PAK2: variants seen among roughly 807,000 people sequenced by gnomAD.
The protein encoded by PAK2 is p21 (RAC1) activated kinase 2, also known as serine/threonine-protein kinase PAK 2.
Under a neutral mutation model 65.9 loss-of-function variants are expected in PAK2, and 21 were observed. The ratio of observed to expected loss-of-function variants is 0.32; its 90% CI spans 0.23 to 0.46. The LOEUF (loss-of-function observed/expected upper bound fraction) is 0.46. PAK2 is among the 20% of genes least tolerant of loss of function. The pLI, the probability that PAK2 is intolerant of heterozygous loss-of-function variation, is 1.00. For synonymous variants in PAK2, 204 were observed against 219.7 expected, an observed-to-expected ratio of 0.93 and a Z score of 0.63; for missense variants, 324 against 642.6, an observed-to-expected ratio of 0.50 and a Z score of 5.36.
At chr3:196,812,146 G>A (rs1245482387) in intron 8 of PAK2, 73 bp from the exon 9 acceptor site, 5 of 869,296 alleles carry the variant, frequency 5.8e-6, no homozygotes, top group Non-Finnish European at 9.9e-6. Flanking sequence ...TGCTTGAAGT[G>A]TAAAGTCTTT....
At chr3:196,773,755 C>T (rs2108732064) in intron 1 of PAK2, among the ~76,000 whole-genome samples, 1 of 152,146 alleles carries the variant, frequency 6.6e-6, no homozygotes, top group South Asian at 2.1e-4. Flanking sequence ...TATCCGCCTC[C>T]CAGCTACTTG....
intron 1 of PAK2, among the ~76,000 whole-genome samples, chr3:196,761,035 C>G (rs1713942781): frequency 6.6e-6 from 1 of 151,962 alleles, no homozygotes; most frequent in African/African-American, 2.4e-5. Context: ...TCAAGACCAG[C>G]CTGACCAACA....
In PAK2 at chr3:196,820,299, A is replaced by T; in HGVS notation, c.1154-72A>T. Reference sequence around the variant, plus strand: ...TAATAGTCAAAATATAATTAATTACATAATCTGAAGTGAACTCTTCTGCTA... The same window carrying T: ...TAATAGTCAAAATATAATTAATTACTTAATCTGAAGTGAACTCTTCTGCTA... On this transcript the variant is annotated intron_variant, in intron 12 of 14. Coordinates refer to ENST00000327134, the MANE Select transcript of PAK2 (RefSeq NM_002577.4). The surrounding 1 kb of genome is among the most constrained non-coding windows in gnomAD (Gnocchi z 4.6). 1.3e-6 allele frequency: 1 copy of T among 769,964 alleles called. No homozygotes were observed. The highest frequency in any genetic ancestry group is 2.0e-6 in the Non-Finnish European group (1 of 504,058). The allele number at this position is 769,964 out of a possible 1,614,324, so 47.7% of individuals were successfully genotyped here. A position where few individuals can be genotyped will look rare whatever the true frequency, so the allele number is the denominator to read the frequency against.
chr3:196,805,669 C>T (rs904311827), intron 5 of PAK2, among the ~76,000 whole-genome samples: 2 of 152,046 alleles, frequency 1.3e-5, no homozygotes, highest in African/African-American at 4.8e-5. Context: ...AACTTGCTAG[C>T]ATATATTTTC....
At chr3:196,749,532 A>G (rs1713500385) in intron 1 of PAK2, among the ~76,000 whole-genome samples, 1 of 152,162 alleles carries the variant, frequency 6.6e-6, no homozygotes, top group Non-Finnish European at 1.5e-5. Context: ...GACCATTTGT[A>G]TATCTTCTTT....
At chr3:196,765,140 G>A (rs1362273885) in intron 1 of PAK2, among the ~76,000 whole-genome samples, 6 of 129,650 alleles carry the variant, frequency 4.6e-5, no homozygotes, top group African/African-American at 1.4e-4. Flanking sequence ...CACCGTGCCC[G>A]GCCTTTTTTT....
chr3:196,804,828 CAT>C (rs113952444), intron 4 of PAK2, among the ~76,000 whole-genome samples: 92,702 of 147,366 alleles, frequency 0.63, 29,160 homozygotes, highest in East Asian at 0.69. Context: ...TATATATACA[CAT>C]ATATATATAT....
At chr3:196,761,697 C>T (rs1253853448) in intron 1 of PAK2, among the ~76,000 whole-genome samples, 6 of 142,880 alleles carry the variant, frequency 4.2e-5, no homozygotes, top group South Asian at 2.3e-4. Flanking sequence ...GGGTGGTGGC[C>T]GGGCAGAGGG....
At chr3:196,799,435 G>A (rs1251410120) in intron 2 of PAK2, among the ~76,000 whole-genome samples, 1 of 152,178 alleles carries the variant, frequency 6.6e-6, no homozygotes, top group Non-Finnish European at 1.5e-5. Flanking sequence ...GTTGAGACAT[G>A]GGACCTTCAA....
intron 2 of PAK2, among the ~76,000 whole-genome samples, chr3:196,789,924 A>C (rs1168046193): frequency 1.3e-5 from 2 of 152,188 alleles, no homozygotes; most frequent in African/African-American, 4.8e-5. Flanking sequence ...ATGGGGATCT[A>C]ATGCTGCCAC....
intron 1 of PAK2, among the ~76,000 whole-genome samples, chr3:196,740,462 T>C (rs1466793252): frequency 6.6e-6 from 1 of 152,038 alleles, no homozygotes; most frequent in Non-Finnish European, 1.5e-5. Flanking sequence ...CTGCCGACTC[T>C]CGGTCTTCCC....
intron 1 of PAK2, among the ~76,000 whole-genome samples, chr3:196,778,798 A>AATG (rs145073347): frequency 0.011 from 1,645 of 152,184 alleles, 30 homozygotes; most frequent in African/African-American, 0.038. Flanking sequence ...AGTTTGGAGG[A>AATG]ATGTAGTGGT....
rs1453141518 is a variant in PAK2 at position 196,830,261 on chromosome 3, CA to C, written c.*1857del. 3 of 151,962 alleles carry C rather than the reference CA, an allele frequency of 2.0e-5. No individual in the cohort carries two copies. Among genetic ancestry groups the C allele is most frequent in the Admixed American group, 2.0e-4 (3 of 15,254 alleles). 9.4% of individuals were successfully genotyped at this position (151,962 alleles called of 1,614,324 possible). On this transcript the variant is annotated 3_prime_UTR_variant, in exon 15 of 15. Transcript: ENST00000327134. ...AATAATTAATGAAACATATTTAGAG[CA>C]CTTAATGGTCTCTGTTTTCAATATA...
In PAK2 at chr3:196,740,095, C is replaced by G. The variant is rs1366718917; in HGVS notation, c.-84C>G. ...ACCGCGCGCTAGCCCGGGGCGGCTC[C>G]GCAGCCCGCCGGGAGCTCTGACCGA... On this transcript the variant is annotated 5_prime_UTR_variant, in exon 1 of 15. Coordinates refer to ENST00000327134, the MANE Select transcript of PAK2 (RefSeq NM_002577.4). 1.3e-5 allele frequency: 2 copies of G among 151,982 alleles called. No individual in the cohort carries two copies. The highest frequency in any genetic ancestry group is 2.9e-5 in the Non-Finnish European group (2 of 67,928). The allele number at this position is 151,982 out of a possible 1,614,324, so 9.4% of individuals were successfully genotyped here.
At chr3:196,764,649 A>G (rs549179041) in intron 1 of PAK2, among the ~76,000 whole-genome samples, 3 of 151,614 alleles carry the variant, frequency 2.0e-5, no homozygotes, top group Admixed American at 1.3e-4. Flanking sequence ...ATACAGATAG[A>G]AGTCAACTTT....
intron 1 of PAK2, among the ~76,000 whole-genome samples, chr3:196,759,488 GGTTTTTTTTGTTTTT>G (rs1713875477): frequency 9.0e-6 from 1 of 111,112 alleles, no homozygotes; most frequent in Non-Finnish European, 1.8e-5. Flanking sequence ...ACAGTTAAGT[GGTTTTTTTTGTTTTT>G]TTTTTTTTTT....
At chr3:196,759,518 TTTTTTTTTTTTTTTTTTTTG>T (rs1713889548) in intron 1 of PAK2, among the ~76,000 whole-genome samples, 1 of 117,486 alleles carries the variant, frequency 8.5e-6, no homozygotes, top group Non-Finnish European at 1.7e-5. Flanking sequence ...TTTTTTTTTT[TTTTTTTTTTTTTTTTTTTTG>T]AGATAGAGTC....
rs1230049644 is a variant in PAK2 at position 196,807,820 on chromosome 3, A to C, written c.615A>C (p.Pro205=). ...CTGTAATTGACCCTGTTCCTGCACCAGTTGGTGATTCACATGTTGATGGTG... is the reference window on the plus strand; with the variant it reads ...CTGTAATTGACCCTGTTCCTGCACCCGTTGGTGATTCACATGTTGATGGTG... ...TRSVIDPVPA[P]VGDSHVDGAA... is the part of the protein sequence containing the mutation. Residue 205 remains proline, a synonymous_variant, in exon 7 of 15, where the codon CCA becomes CCC. Transcript: ENST00000327134. 1.9e-6 allele frequency: 3 copies of C among 1,612,576 alleles called. No homozygotes were observed. The highest frequency in any genetic ancestry group is 1.1e-5 in the South Asian group (1 of 91,006).
chr3:196,806,248 G>A (rs67785283), intron 5 of PAK2, among the ~76,000 whole-genome samples: 27,283 of 151,940 alleles, frequency 0.18, 2,660 homozygotes, highest in Middle Eastern at 0.3. Flanking sequence ...AGATGTCTCT[G>A]ACATAACAAA....
Sources: gnomAD v4.1 joint callset for allele counts (sites outside exome capture counted in the v4.1 genomes callset) on GRCh38, gnomAD v4.1.1 for gene constraint, Gnocchi (gnomAD v3.1) non-coding constraint, MANE v1.5 for transcripts, NCBI Gene and HGNC (gene_info 2026-07-23, HGNC 2026-07-21) for gene names.